The following NKAIN2 variants were observed in gnomAD, a reference collection of about 807,000 sequenced individuals.
NKAIN2 encodes sodium/potassium-transporting ATPase subunit beta-1-interacting protein 2.
Under a neutral mutation model 32.6 loss-of-function variants are expected in NKAIN2, and 14 were observed. That is an observed-to-expected ratio of 0.43 (90% confidence interval 0.28 to 0.67). The LOEUF (loss-of-function observed/expected upper bound fraction) is 0.67. Among genes scored for constraint, NKAIN2 ranks in the 30% least tolerant of loss-of-function variants. NKAIN2 has a pLI of 0.17. For synonymous variants in NKAIN2, 80 were observed against 87.2 expected (o/e 0.92, Z 0.46); for missense variants, 198 against 258.3 (o/e 0.77, Z 1.60).
At chr6:124,344,980 A>T (rs1392116802) in intron 2 of NKAIN2, among the ~76,000 whole-genome samples, 1 of 152,192 alleles carries the variant, frequency 6.6e-6, no homozygotes, top group African/African-American at 2.4e-5. Flanking sequence ...TGTCATAGAT[A>T]GCCCTTATTA....
intron 3 of NKAIN2, among the ~76,000 whole-genome samples, chr6:124,591,938 C>A (rs1781928457): frequency 6.6e-6 from 1 of 152,222 alleles, no homozygotes; most frequent in South Asian, 2.1e-4. Flanking sequence ...GTAGTCCTAA[C>A]CACTTAAGAA....
chr6:124,094,819 C>T (rs1244198583), intron 1 of NKAIN2, among the ~76,000 whole-genome samples: 4 of 152,084 alleles, frequency 2.6e-5, no homozygotes, highest in Non-Finnish European at 5.9e-5. Context: ...GGAACTGACT[C>T]ATTTCTCTAT....
intron 1 of NKAIN2, among the ~76,000 whole-genome samples, chr6:123,832,461 A>G (rs1429315096): frequency 6.6e-6 from 1 of 152,180 alleles, no homozygotes; most frequent in African/African-American, 2.4e-5. Context: ...ATGTGGGTAT[A>G]AGTTTTTGAC....
At chr6:124,164,234 A>G (rs57227513) in intron 1 of NKAIN2, among the ~76,000 whole-genome samples, 8,120 of 152,082 alleles carry the variant, frequency 0.053, 747 homozygotes, top group African/African-American at 0.19. Flanking sequence ...TGCCACGGAA[A>G]ATAGAGAGCC....
chr6:124,747,873 C>G (rs1301739498), intron 4 of NKAIN2, among the ~76,000 whole-genome samples: 1 of 151,852 alleles, frequency 6.6e-6, no homozygotes, highest in Non-Finnish European at 1.5e-5. Context: ...ATACTCCTGA[C>G]TCTTCCCTTT....
chr6:124,060,628 T>C (rs1430841901), intron 1 of NKAIN2, among the ~76,000 whole-genome samples: 2 of 152,308 alleles, frequency 1.3e-5, no homozygotes, highest in East Asian at 3.9e-4. Context: ...ACATATTTGC[T>C]ATAAATCCAT....
chr6:123,920,078 T>A (rs1198276725), intron 1 of NKAIN2, among the ~76,000 whole-genome samples: 1 of 152,076 alleles, frequency 6.6e-6, no homozygotes, highest in Non-Finnish European at 1.5e-5. Flanking sequence ...TTTTTTTTCA[T>A]GACTTGGCTT....
At position 124,244,737 on chromosome 6, in the gene NKAIN2, T is replaced by G. The variant is rs143347240; in HGVS notation, c.55-38268T>G. ...CTAGAACCTTCTTACTTTTGTTTTC[T>G]GTTGTTTCCTTGACACTTTACAGGA... On this transcript the variant is annotated intron_variant, in intron 1 of 6. Transcript: ENST00000368417. Among the ~76,000 whole-genome samples the G allele has an allele frequency of 1.2e-3, 187 of 152,216 alleles. 1 individual carries two copies. Among genetic ancestry groups the G allele is most frequent in the African/African-American group, 4.3e-3 (180 of 41,572 alleles).
intron 3 of NKAIN2, among the ~76,000 whole-genome samples, chr6:124,634,967 G>A (rs1783714730): frequency 7.2e-6 from 1 of 139,518 alleles, no homozygotes; most frequent in South Asian, 2.3e-4. Context: ...TGCTGAAAGA[G>A]AAAGAAAGAA....
At chr6:123,907,077 T>A (rs1774916270) in intron 1 of NKAIN2, among the ~76,000 whole-genome samples, 1 of 152,216 alleles carries the variant, frequency 6.6e-6, no homozygotes, top group Admixed American at 6.5e-5. Context: ...TCTAAATAGT[T>A]CTGAAGATGT....
intron 3 of NKAIN2, among the ~76,000 whole-genome samples, chr6:124,470,903 A>G (rs1300112973): frequency 6.6e-6 from 1 of 152,172 alleles, no homozygotes; most frequent in East Asian, 1.9e-4. Flanking sequence ...TTCTGTATTT[A>G]AAACTGAGGC....
chr6:123,957,381 C>T (rs1331962699), intron 1 of NKAIN2, among the ~76,000 whole-genome samples: 1 of 152,048 alleles, frequency 6.6e-6, no homozygotes, highest in Non-Finnish European at 1.5e-5. Context: ...ATTTTTGTAT[C>T]ATCAGCATCT....
At chr6:124,732,303 T>C (rs1337793976) in intron 4 of NKAIN2, among the ~76,000 whole-genome samples, 1 of 151,660 alleles carries the variant, frequency 6.6e-6, no homozygotes, top group African/African-American at 2.4e-5. Flanking sequence ...TAGAGAAGAG[T>C]AAGGAATAGA....
At chr6:124,772,403 A>G (rs955018941) in intron 4 of NKAIN2, among the ~76,000 whole-genome samples, 3 of 152,208 alleles carry the variant, frequency 2.0e-5, no homozygotes, top group African/African-American at 7.2e-5. Context: ...TCTGTGCTGT[A>G]CATGATGAGT....
At chr6:123,918,449 T>G (rs1297654223) in intron 1 of NKAIN2, among the ~76,000 whole-genome samples, 1 of 152,198 alleles carries the variant, frequency 6.6e-6, no homozygotes, top group African/African-American at 2.4e-5. Flanking sequence ...ACTCTGTTAG[T>G]GTTATTTAAG....
At chr6:124,128,537 A>G (rs76806701) in intron 1 of NKAIN2, among the ~76,000 whole-genome samples, 3,478 of 152,266 alleles carry the variant, frequency 0.023, 46 homozygotes, top group Non-Finnish European at 0.028. Context: ...AATTTCCATA[A>G]TAATCACAAG....
chr6:124,811,979 G>T lies in NKAIN2; in HGVS notation c.536-6408G>T, dbSNP rs375353854. ...TTTTTTTCACCTTCTGTCCAGTTGT[G>T]TGCCTCTGTTTAGGGTCCTATAAAC... On this transcript the variant is annotated intron_variant, in intron 5 of 6. Coordinates refer to ENST00000368417, the MANE Select transcript of NKAIN2 (RefSeq NM_001040214.3). Among the ~76,000 whole-genome samples, 5 of 152,158 alleles carry T rather than the reference G, an allele frequency of 3.3e-5. No individual in the cohort carries two copies. The South Asian group carries it at 8.3e-4, about 25-fold the overall frequency.
chr6:124,702,828 G>A (rs1201110514), intron 4 of NKAIN2, among the ~76,000 whole-genome samples: 5 of 151,968 alleles, frequency 3.3e-5, no homozygotes, highest in Non-Finnish European at 5.9e-5. Context: ...TGCAAACATA[G>A]CATTGAAACT....
At chr6:124,686,991 G>T (rs1277401918) in intron 4 of NKAIN2, among the ~76,000 whole-genome samples, 2 of 152,022 alleles carry the variant, frequency 1.3e-5, no homozygotes, top group Non-Finnish European at 2.9e-5. Flanking sequence ...TTTCTCCTGT[G>T]CTGGATACTT....
Sources: gnomAD v4.1 joint callset for allele counts (sites outside exome capture counted in the v4.1 genomes callset) on GRCh38, gnomAD v4.1.1 for gene constraint, MANE v1.5 for transcripts, NCBI Gene and HGNC (gene_info 2026-07-23, HGNC 2026-07-21) for gene names.